Variants in MMS22L observed in about 807,000 individuals in gnomAD.
MMS22L encodes MMS22 like, DNA repair protein.
A neutral mutation model predicts 159.1 loss-of-function variants in MMS22L; 74 were observed. That is an observed-to-expected ratio of 0.47 (90% CI 0.39 to 0.56). MMS22L has a LOEUF of 0.56. MMS22L is among the 20% of genes least tolerant of loss of function. MMS22L has a pLI of 0.00. For missense variants in MMS22L, 1,351 were observed against 1,422.1 expected, an observed-to-expected ratio of 0.95 and a Z score of 0.80; for synonymous variants, 517 against 506.9, an observed-to-expected ratio of 1.02 and a Z score of -0.27.
At chr6:97,208,551 A>C (rs1808033740) in intron 14 of MMS22L, among the ~76,000 whole-genome samples, 1 of 152,070 alleles carries the variant, frequency 6.6e-6, no homozygotes, top group African/African-American at 2.4e-5. Flanking sequence ...GGAACCTGGA[A>C]ACCCTTAATA....
At chr6:97,176,655 A>T (rs1804150287) in intron 18 of MMS22L, among the ~76,000 whole-genome samples, 1 of 152,140 alleles carries the variant, frequency 6.6e-6, no homozygotes, top group African/African-American at 2.4e-5. Context: ...ACCAGTCCCC[A>T]ATAATAACCA....
At chr6:97,162,365 T>C (rs1357484131) in intron 21 of MMS22L, among the ~76,000 whole-genome samples, 200 bp from the exon 22 acceptor site, 1 of 152,046 alleles carries the variant, frequency 6.6e-6, no homozygotes, top group Non-Finnish European at 1.5e-5. Flanking sequence ...CTTTCTGGTG[T>C]GTTCTGAGGG....
At chr6:97,147,019 C>T in intron 24 of MMS22L, 132 bp from the exon 25 acceptor site, 2 of 562,482 alleles carry the variant, frequency 3.6e-6, no homozygotes, top group South Asian at 2.5e-5. Context: ...AGGCTTAGCA[C>T]AACACTTCTT....
chr6:97,233,035 T>C (rs1811031737), intron 12 of MMS22L, among the ~76,000 whole-genome samples: 1 of 151,758 alleles, frequency 6.6e-6, no homozygotes, highest in Non-Finnish European at 1.5e-5. Context: ...ACCACTAAGT[T>C]GTCTGTACCC....
Position 97,231,638 on chromosome 6 carries a change from A to C in MMS22L, c.1317T>G (p.Ser439Arg), listed in dbSNP as rs1209627587. Reference protein sequence around the residue: ...YYSKNLNSSFSISWLPFKGLA... With the variant: ...YYSKNLNSSFRISWLPFKGLA... ...GGCCTTTAAAAGGAAGCCAAGAAAT[A>C]CTGAAGGAACTATTCTAAAAGGGGG... The change falls in exon 13 of 25, where the codon AGT (serine) becomes AGG (arginine). Residue 439 changes from serine (S) to arginine (R), a missense_variant. Transcript: ENST00000683635. 2 of 1,603,100 alleles carry C rather than the reference A, an allele frequency of 1.2e-6. No homozygotes were observed. The highest frequency in any genetic ancestry group is 2.2e-5 in the East Asian group (1 of 44,784).
intron 22 of MMS22L, among the ~76,000 whole-genome samples, chr6:97,161,183 C>T (rs894237663): frequency 1.3e-5 from 2 of 151,946 alleles, no homozygotes; most frequent in African/African-American, 2.4e-5. Context: ...TCCACTCCTC[C>T]TCTTGCCCTC....
intron 9 of MMS22L, chr6:97,258,620 T>C (rs73760114): frequency 2.9e-4 from 44 of 152,302 alleles, no homozygotes; most frequent in African/African-American, 1.1e-3. Context: ...CTTCTTTCCA[T>C]ATGTGTAACT....
intron 14 of MMS22L, among the ~76,000 whole-genome samples, chr6:97,201,389 G>A (rs1479530512): frequency 6.6e-6 from 1 of 152,066 alleles, no homozygotes; most frequent in Non-Finnish European, 1.5e-5. Context: ...CCCAGCATTT[G>A]GTAATATAGA....
At chr6:97,220,957 G>GACAC (rs71012586) in intron 14 of MMS22L, among the ~76,000 whole-genome samples, 357 of 143,598 alleles carry the variant, frequency 2.5e-3, no homozygotes, top group East Asian at 0.012. Flanking sequence ...TAAGACCCCT[G>GACAC]ACACACACAC....
intron 11 of MMS22L, among the ~76,000 whole-genome samples, chr6:97,236,945 C>T (rs545335322): frequency 1.5e-4 from 22 of 148,386 alleles, no homozygotes; most frequent in East Asian, 3.9e-4. Flanking sequence ...AGCGAGACTC[C>T]GCCTCAGAAA....
chr6:97,275,345 G>A (rs1198247798), intron 4 of MMS22L, among the ~76,000 whole-genome samples: 1 of 152,120 alleles, frequency 6.6e-6, no homozygotes, highest in African/African-American at 2.4e-5. Context: ...TGGCCAACAT[G>A]ATGAAACCCT....
At chr6:97,256,124 A>G (rs138449464) in intron 9 of MMS22L, among the ~76,000 whole-genome samples, 362 of 152,126 alleles carry the variant, frequency 2.4e-3, no homozygotes, top group Non-Finnish European at 3.9e-3. Flanking sequence ...GTATCCATCA[A>G]CACCTCCTTC....
chr6:97,162,236 T>A, intron 21 of MMS22L, 71 bp from the exon 22 acceptor site: 1 of 1,400,822 alleles, frequency 7.1e-7, no homozygotes, highest in Non-Finnish European at 9.6e-7. Flanking sequence ...GGCATATAAT[T>A]TAAAGATATT....
At chr6:97,236,256 G>A (rs539794643) in intron 11 of MMS22L, among the ~76,000 whole-genome samples, 6 of 150,840 alleles carry the variant, frequency 4.0e-5, no homozygotes, top group African/African-American at 1.5e-4. Flanking sequence ...TTGAACCCGG[G>A]AGGAGCCAGA....
intron 24 of MMS22L, among the ~76,000 whole-genome samples, 184 bp from the exon 25 acceptor site, chr6:97,147,071 T>C (rs1800959029): frequency 6.6e-6 from 1 of 152,090 alleles, no homozygotes. Context: ...AACCTAGATG[T>C]TAAGATGTAT....
intron 14 of MMS22L, among the ~76,000 whole-genome samples, chr6:97,224,602 A>G (rs1370954660): frequency 1.3e-5 from 2 of 151,866 alleles, no homozygotes; most frequent in Non-Finnish European, 2.9e-5. Context: ...AAAGTAATCA[A>G]AAGTCCCCAA....
intron 10 of MMS22L, among the ~76,000 whole-genome samples, chr6:97,248,060 C>T (rs532525084): frequency 1.3e-5 from 2 of 152,258 alleles, no homozygotes; most frequent in African/African-American, 4.8e-5. Flanking sequence ...TCACACTGTA[C>T]GAGGGTTGGT....
intron 14 of MMS22L, among the ~76,000 whole-genome samples, chr6:97,187,249 A>G (rs1235817157): frequency 6.6e-6 from 1 of 152,182 alleles, no homozygotes; most frequent in Admixed American, 6.5e-5. Flanking sequence ...ATATACAATA[A>G]CAAGTTGCTC....
At chr6:97,212,173 G>C (rs888966549) in intron 14 of MMS22L, among the ~76,000 whole-genome samples, 1 of 152,128 alleles carries the variant, frequency 6.6e-6, no homozygotes, top group Non-Finnish European at 1.5e-5. Context: ...CTGATTTTAT[G>C]CATCTCTACT....
Sources: gnomAD v4.1 joint callset for allele counts (sites outside exome capture counted in the v4.1 genomes callset) on GRCh38, gnomAD v4.1.1 for gene constraint, MANE v1.5 for transcripts, NCBI Gene and HGNC (gene_info 2026-07-23, HGNC 2026-07-21) for gene names.